LIN54: variants seen among roughly 807,000 people sequenced by gnomAD.
The protein encoded by LIN54 is protein lin-54 homolog.
LIN54 carries 9 observed loss-of-function variants against 78.7 expected under a neutral mutation model. That is an observed-to-expected ratio of 0.11 (90% CI 0.07 to 0.20). The LOEUF (loss-of-function observed/expected upper bound fraction) is 0.20. Ranked by LOEUF, LIN54 falls within the 10% of genes least tolerant of loss-of-function variation. The probability of loss-of-function intolerance (pLI) is 1.00; values close to 1 mark genes in which losing one functional copy is unlikely to be tolerated. For synonymous variants in LIN54, 269 were observed against 318.4 expected, an observed-to-expected ratio of 0.84 and a Z score of 1.65; for missense variants, 573 against 889.9, an observed-to-expected ratio of 0.64 and a Z score of 4.53.
At chr4:82,948,534 GT>G (rs1256196433) in intron 4 of LIN54, among the ~76,000 whole-genome samples, 1 of 152,106 alleles carries the variant, frequency 6.6e-6, no homozygotes, top group Non-Finnish European at 1.5e-5. Flanking sequence ...TTGCATAGTT[GT>G]CCATTTTGTT....
intron 3 of LIN54, among the ~76,000 whole-genome samples, chr4:82,974,380 A>G (rs1001798922): frequency 2.6e-5 from 4 of 152,106 alleles, no homozygotes; most frequent in Non-Finnish European, 5.9e-5. Context: ...GAAAATTCTG[A>G]TATATACTAC....
rs544732832 is a variant in LIN54 at position 82,953,147 on chromosome 4, C to A, written c.952-6673G>T. On this transcript the variant is annotated intron_variant, in intron 4 of 12. Coordinates refer to ENST00000340417, the MANE Select transcript of LIN54 (RefSeq NM_194282.4). ...GGGCCTACAGGCATGCATCACTACG[C>A]CCAGCTAATTTTTTAATTTTTATAG... Among the ~76,000 whole-genome samples the A allele has an allele frequency of 1.7e-4, 26 of 152,162 alleles. No individual in the cohort carries two copies. The South Asian group carries it at 5.4e-3, about 32-fold the overall frequency.
At chr4:82,976,879 T>C (rs1473916910) in intron 3 of LIN54, among the ~76,000 whole-genome samples, 1 of 152,146 alleles carries the variant, frequency 6.6e-6, no homozygotes, top group East Asian at 1.9e-4. Context: ...GTAGAAATTA[T>C]CCCTCCAAAC....
chr4:82,961,803 A>C (rs1042952064), intron 4 of LIN54, among the ~76,000 whole-genome samples: 32 of 152,002 alleles, frequency 2.1e-4, no homozygotes, highest in Non-Finnish European at 1.0e-4. Flanking sequence ...AAATACAAAA[A>C]AATTAGCCAG....
intron 1 of LIN54, among the ~76,000 whole-genome samples, chr4:82,986,477 A>T (rs1727149418): frequency 6.6e-6 from 1 of 152,036 alleles, no homozygotes; most frequent in Admixed American, 6.6e-5. Flanking sequence ...ATCACGAGGT[A>T]GGCAGATCAC....
At chr4:82,931,236 T>G in intron 11 of LIN54, 91 bp from the exon 12 acceptor site, 1 of 886,444 alleles carries the variant, frequency 1.1e-6, no homozygotes, top group Non-Finnish European at 1.8e-6. Context: ...GCTAATAGCA[T>G]TACCTGGTCA....
chr4:82,954,390 T>C (rs932027022), intron 4 of LIN54, among the ~76,000 whole-genome samples: 2 of 123,642 alleles, frequency 1.6e-5, no homozygotes, highest in Non-Finnish European at 3.6e-5. Context: ...AAATACAAAT[T>C]TATATGAGAT....
At position 82,948,975 on chromosome 4, in the gene LIN54, T is replaced by C. The variant is rs1431483198; in HGVS notation, c.952-2501A>G. ...ATTGTGAATAGTGCTATAATAAACATGGAAGTGCAGATATCCTCAGGAGGT... is the reference window on the plus strand; with the variant it reads ...ATTGTGAATAGTGCTATAATAAACACGGAAGTGCAGATATCCTCAGGAGGT... On this transcript the variant is annotated intron_variant, in intron 4 of 12. Coordinates refer to ENST00000340417, the MANE Select transcript of LIN54 (RefSeq NM_194282.4). 3.9e-5 allele frequency among the ~76,000 whole-genome samples: 6 copies of C among 152,332 alleles called. No homozygotes were observed. In the East Asian group the frequency reaches 7.7e-4, roughly 20 times the overall value.
intron 3 of LIN54, among the ~76,000 whole-genome samples, chr4:82,974,485 C>G (rs1422350381): frequency 1.3e-5 from 2 of 152,058 alleles, no homozygotes; most frequent in Non-Finnish European, 2.9e-5. Flanking sequence ...ACCTGTAATC[C>G]CAGCACTTTG....
At position 82,931,089 on chromosome 4, in the gene LIN54, T is replaced by C. The variant is rs756603370; in HGVS notation, c.1902A>G (p.Glu634=). 1 of 1,614,202 alleles carries C rather than the reference T, an allele frequency of 6.2e-7. No individual in the cohort carries two copies. Among genetic ancestry groups the C allele is most frequent in the South Asian group, 1.1e-5 (1 of 91,084 alleles). ...GCATCAATGTCTTCCTTTCCGGGCT[T>C]TCTTCAAAATTCTTACAGCCAATAC... ...CKCIGCKNFE[E]SPERKTLMHL... Residue 634 remains glutamate, a synonymous_variant, in exon 12 of 13, where the codon GAA becomes GAG. Coordinates refer to ENST00000340417, the MANE Select transcript of LIN54 (RefSeq NM_194282.4).
At chr4:82,966,096 T>C (rs1371691911) in intron 4 of LIN54, among the ~76,000 whole-genome samples, 1 of 152,224 alleles carries the variant, frequency 6.6e-6, no homozygotes, top group African/African-American at 2.4e-5. Flanking sequence ...TAGTATTTTA[T>C]GGTTCAGTCC....
At chr4:82,985,016 G>A in intron 1 of LIN54, 140 bp from the exon 2 acceptor site, 1 of 618,162 alleles carries the variant, frequency 1.6e-6, no homozygotes, top group Non-Finnish European at 2.8e-6. Context: ...AAGCTTATCT[G>A]GGTTAAATCA....
At chr4:83,009,908 T>C (rs1047586324) in intron 1 of LIN54, among the ~76,000 whole-genome samples, 1 of 152,180 alleles carries the variant, frequency 6.6e-6, no homozygotes, top group Non-Finnish European at 1.5e-5. Flanking sequence ...AGGGTGAGTA[T>C]AGAGAAGAAC....
chr4:83,010,970 AC>A, upstream of LIN54: 1 of 630,186 alleles, frequency 1.6e-6, no homozygotes, highest in Non-Finnish European at 2.2e-6. Flanking sequence ...GAGACCTTTC[AC>A]CCCCGGGCGG....
Position 82,979,024 on chromosome 4 carries a change from C to A in LIN54, c.685-18G>T. 6.5e-7 allele frequency: 1 copy of A among 1,529,982 alleles called. No homozygotes were observed. The highest frequency in any genetic ancestry group is 8.9e-7 in the Non-Finnish European group (1 of 1,124,556). The allele number at this position is 1,529,982 out of a possible 1,614,324, so 94.8% of individuals were successfully genotyped here. A position where few individuals can be genotyped will look rare whatever the true frequency, so the allele number is the denominator to read the frequency against. On this transcript the variant is annotated intron_variant, in intron 2 of 12. Coordinates refer to ENST00000340417, the MANE Select transcript of LIN54 (RefSeq NM_194282.4). ...TTAGCAATCTGAAACATATAAATAA[C>A]TATGAAGACCATCTGTTTCTATAAA...
intron 2 of LIN54, among the ~76,000 whole-genome samples, chr4:82,979,371 A>G (rs1437637475): frequency 6.6e-6 from 1 of 152,198 alleles, no homozygotes; most frequent in Non-Finnish European, 1.5e-5. Context: ...AAGAGTAAGT[A>G]AAGAAAGTAT....
At position 82,947,235 on chromosome 4, in the gene LIN54, A is replaced by ATATATATTTTTTT; in HGVS notation, c.952-762_952-761insAAAAAAATATATA. Reference sequence around the variant, plus strand: ...TATATATATATATATATATATATATATTTTTTTTTTTTTTGAAGACAGGGT... The same window carrying ATATATATTTTTTT: ...TATATATATATATATATATATATATATATATATTTTTTTTTTTTTTTTTTTTTGAAGACAGGGT... On this transcript the variant is annotated intron_variant, in intron 4 of 12. Transcript: ENST00000340417. Among the ~76,000 whole-genome samples the ATATATATTTTTTT allele has an allele frequency of 9.9e-4, 44 of 44,280 alleles. 1 individual carries two copies. Among genetic ancestry groups the ATATATATTTTTTT allele is most frequent in the South Asian group, 2.4e-3 (2 of 842 alleles). The allele number at this position is 44,280 out of a possible 152,430, so 29.0% of individuals were successfully genotyped here.
chr4:82,947,235 A>ATATATATATTTTTTTT, intron 4 of LIN54, among the ~76,000 whole-genome samples: 14 of 44,290 alleles, frequency 3.2e-4, no homozygotes, highest in African/African-American at 7.0e-4. Flanking sequence ...ATATATATAT[A>ATATATATATTTTTTTT]TTTTTTTTTT....
intron 5 of LIN54, among the ~76,000 whole-genome samples, chr4:82,941,949 A>G (rs1722934174): frequency 6.6e-6 from 1 of 152,166 alleles, no homozygotes; most frequent in South Asian, 2.1e-4. Context: ...GCAATTTTAA[A>G]AACTGCCTAC....
Sources: allele counts gnomAD v4.1 joint callset (sites outside exome capture counted in the v4.1 genomes callset), GRCh38; gene constraint gnomAD v4.1.1; transcripts MANE v1.5; gene names NCBI Gene and HGNC (gene_info 2026-07-23, HGNC 2026-07-21).